Variants in DYSF observed in about 807,000 individuals in gnomAD.
The protein encoded by DYSF is dysferlin.
A neutral mutation model predicts 274.9 loss-of-function variants in DYSF; 212 were observed. That is an observed-to-expected ratio of 0.77 (90% CI 0.69 to 0.86). DYSF has a LOEUF of 0.86. Among genes scored for constraint, DYSF ranks in the 40% least tolerant of loss-of-function variants. The pLI is 0.00. For synonymous variants in DYSF, 1,091 were observed against 1,078.7 expected, an observed-to-expected ratio of 1.01 and a Z score of -0.22; for missense variants, 2,666 against 2,783.2, an observed-to-expected ratio of 0.96 and a Z score of 0.95.
intron 23 of DYSF, 24 bp from the exon 24 acceptor site, chr2:71,564,034 C>A (rs777847694): frequency 4.3e-6 from 7 of 1,613,356 alleles, no homozygotes; most frequent in Non-Finnish European, 5.9e-6. Context: ...ACCATCCCCA[C>A]CCCGACCACC....
chr2:71,528,315 GACA>G lies in DYSF; in HGVS notation c.1297_1299del (p.Asn433del). 2 of 1,614,100 alleles carry G rather than the reference GACA, an allele frequency of 1.2e-6. No homozygotes were observed. The highest frequency in any genetic ancestry group is 1.7e-6 in the Non-Finnish European group (2 of 1,180,008). ...CTTCCCAGTGGACGATGCCGTGATG[GACA>G]ACGTGAAACAGATCTTTGGCTTCGA... On this transcript the variant is annotated inframe_deletion, in exon 14 of 56. Coordinates refer to ENST00000410020, the MANE Select transcript of DYSF (RefSeq NM_001130987.2).
intron 40 of DYSF, among the ~76,000 whole-genome samples, chr2:71,616,243 G>A (rs2093881022): frequency 6.6e-6 from 1 of 152,204 alleles, no homozygotes; most frequent in Admixed American, 6.5e-5. Context: ...AGGCAGGTCT[G>A]TGCTCAGCAT....
chr2:71,551,500 C>T (rs2090941142), intron 18 of DYSF, 107 bp from the exon 19 acceptor site: 2 of 960,378 alleles, frequency 2.1e-6, no homozygotes, highest in Non-Finnish European at 3.2e-6. Context: ...GCTGAGGGAC[C>T]TCCTGGGTGC....
intron 40 of DYSF, among the ~76,000 whole-genome samples, chr2:71,618,253 CGTGTGTGGTAGAGGTGTGT>C (rs2093966054): frequency 9.6e-4 from 5 of 5,222 alleles, no homozygotes; most frequent in South Asian, 6.4e-3. Flanking sequence ...GTAGAGGTGG[CGTGTGTGGTAGAGGTGTGT>C]GTGTGTGGTA....
intron 3 of DYSF, among the ~76,000 whole-genome samples, chr2:71,497,491 G>A (rs891844637): frequency 6.6e-6 from 1 of 152,192 alleles, no homozygotes; most frequent in Non-Finnish European, 1.5e-5. Context: ...GCCATGTAAA[G>A]AAGGACATGT....
At chr2:71,569,791 CAG>C (rs775871186) in intron 26 of DYSF, 27 bp from the exon 27 acceptor site, 2 of 1,577,370 alleles carry the variant, frequency 1.3e-6, no homozygotes, top group East Asian at 4.5e-5. Flanking sequence ...AGCAGAGCAG[CAG>C]AGACTCTGAC....
In DYSF at chr2:71,611,553, C is replaced by T. The variant is rs149182447; in HGVS notation, c.4148C>T (p.Thr1383Met). Reference sequence around the variant, plus strand: ...CTCGTGGTAGAGTGTGGGGGCCAGACGGTGCAGTCCTGTGTCATCAGGAAC... The same window carrying T: ...CTCGTGGTAGAGTGTGGGGGCCAGATGGTGCAGTCCTGTGTCATCAGGAAC... ...PSLVVECGGQ[T>M]VQSCVIRNLR... is the part of the protein sequence containing the mutation. Residue 1383 changes from threonine to methionine, a missense_variant, in exon 38 of 56, where the codon ACG becomes ATG. This residue lies in a region of DYSF where 1,460 missense variants were observed against 1,502.1 expected (regional missense o/e 0.97). Transcript: ENST00000410020. 33 of 1,614,152 alleles carry T rather than the reference C, an allele frequency of 2.0e-5. No individual in the cohort carries two copies. Among genetic ancestry groups the T allele is most frequent in the South Asian group, 1.6e-4 (15 of 91,078 alleles).
At chr2:71,538,699 C>T (rs1026134901) in intron 16 of DYSF, among the ~76,000 whole-genome samples, 5 of 152,214 alleles carry the variant, frequency 3.3e-5, no homozygotes, top group Non-Finnish European at 7.3e-5. Flanking sequence ...AGACTGTGGC[C>T]TTGGAGATAG....
chr2:71,608,648 G>T (rs2093691017), intron 36 of DYSF, among the ~76,000 whole-genome samples: 1 of 152,146 alleles, frequency 6.6e-6, no homozygotes, highest in African/African-American at 2.4e-5. Flanking sequence ...CCAGGTTCTT[G>T]TTCCCCTGTC....
At chr2:71,643,922 G>A (rs796891945) in intron 41 of DYSF, 43 bp from the exon 42 acceptor site, 16 of 1,489,012 alleles carry the variant, frequency 1.1e-5, no homozygotes, top group African/African-American at 6.9e-5. Flanking sequence ...GCTGCTTGGC[G>A]AGTCCTGTTT....
intron 36 of DYSF, among the ~76,000 whole-genome samples, chr2:71,604,644 G>A (rs1363161187): frequency 3.3e-5 from 5 of 152,212 alleles, no homozygotes; most frequent in Non-Finnish European, 5.9e-5. Context: ...CTGGAGACAG[G>A]CCAGTAGGAA....
chr2:71,599,979 A>C (rs1384494904), intron 33 of DYSF, among the ~76,000 whole-genome samples: 1 of 152,022 alleles, frequency 6.6e-6, no homozygotes, highest in Non-Finnish European at 1.5e-5. Flanking sequence ...CTGTTTGGAG[A>C]AGGGCACAGG....
chr2:71,522,496 T>A (rs1177716965), intron 12 of DYSF, among the ~76,000 whole-genome samples: 2 of 152,128 alleles, frequency 1.3e-5, no homozygotes, highest in Non-Finnish European at 2.9e-5. Flanking sequence ...CCTTGCTCCT[T>A]TTCCAGTGGG....
At chr2:71,475,175 T>TC (rs572839924) in intron 1 of DYSF, among the ~76,000 whole-genome samples, 139 of 152,108 alleles carry the variant, frequency 9.1e-4, no homozygotes, top group Non-Finnish European at 1.5e-3. Context: ...CCAGGACCCT[T>TC]CCCCCACATG....
chr2:71,553,747 A>ACC, intron 20 of DYSF, 60 bp from the exon 21 acceptor site: 25 of 872,682 alleles, frequency 2.9e-5, no homozygotes, highest in Non-Finnish European at 3.7e-5. Flanking sequence ...CACTCTTAGC[A>ACC]CCCCATCCCA....
At chr2:71,520,688 G>A in intron 11 of DYSF, 101 bp from the exon 12 acceptor site, 1 of 983,276 alleles carries the variant, frequency 1.0e-6, no homozygotes, top group Non-Finnish European at 1.6e-6. Flanking sequence ...CAGCGGATGA[G>A]TCCTTTACCT....
intron 42 of DYSF, among the ~76,000 whole-genome samples, chr2:71,645,305 T>C (rs758765311): frequency 1.3e-5 from 2 of 152,074 alleles, no homozygotes; most frequent in Non-Finnish European, 2.9e-5. Flanking sequence ...AGAAGGGAGA[T>C]GGAATGGGAA....
intron 24 of DYSF, among the ~76,000 whole-genome samples, chr2:71,566,353 CA>C (rs773800974): frequency 0.079 from 3,936 of 49,826 alleles, 44 homozygotes; most frequent in African/African-American, 0.15. Context: ...TGGTTTCAAG[CA>C]AAAAAAAAAA....
intron 10 of DYSF, among the ~76,000 whole-genome samples, chr2:71,517,322 C>G (rs2152737332): frequency 6.6e-6 from 1 of 152,308 alleles, no homozygotes; most frequent in African/African-American, 2.4e-5. Context: ...GCTGCAAAGA[C>G]AGAAAGAAAT....
Sources: allele counts gnomAD v4.1 joint callset (sites outside exome capture counted in the v4.1 genomes callset), GRCh38; gene constraint gnomAD v4.1.1; regional missense constraint gnomAD v4.1.1; transcripts MANE v1.5; gene names NCBI Gene and HGNC (gene_info 2026-07-23, HGNC 2026-07-21).